Variants in SMARCB1 observed in about 807,000 individuals in gnomAD.
SMARCB1 encodes the protein SWI/SNF related BAF chromatin remodeling complex subunit B1.
Under a neutral mutation model 49.0 loss-of-function variants are expected in SMARCB1, and 5 were observed. The observed-to-expected ratio is 0.10, with a 90% CI of 0.05 to 0.21. The LOEUF (loss-of-function observed/expected upper bound fraction) is 0.21. Ranked by LOEUF, SMARCB1 falls within the 10% of genes least tolerant of loss-of-function variation. The pLI, the probability that SMARCB1 is intolerant of heterozygous loss-of-function variation, is 1.00. For synonymous variants in SMARCB1, 201 were observed against 200.1 expected (o/e 1.00, Z -0.04); for missense variants, 226 against 509.2 (o/e 0.44, Z 5.35).
chr22:23,798,788 C>T (rs528412610), intron 3 of SMARCB1, among the ~76,000 whole-genome samples: 3 of 152,152 alleles, frequency 2.0e-5, no homozygotes, highest in East Asian at 1.9e-4. Flanking sequence ...CGGTGACTGA[C>T]GCTTGTAATC....
At position 23,826,412 on chromosome 22, in the gene SMARCB1, G is replaced by A. The variant is rs181240456; in HGVS notation, c.986+997G>A. 2.7e-3 allele frequency among the ~76,000 whole-genome samples: 399 copies of A among 147,808 alleles called. 3 individuals carry two copies. Among genetic ancestry groups the A allele is most frequent in the African/African-American group, 9.2e-3 (366 of 39,724 alleles). ...TGCACTCCAGCCTGGGTGACAGAGC[G>A]AGACCCTGTCTCCAAAAAAAAAAAA... On this transcript the variant is annotated intron_variant, in intron 7 of 8. Coordinates refer to ENST00000644036, the MANE Select transcript of SMARCB1 (RefSeq NM_003073.5).
intron 1 of SMARCB1, among the ~76,000 whole-genome samples, chr22:23,789,477 A>G (rs976925132): frequency 2.6e-5 from 4 of 152,248 alleles, no homozygotes; most frequent in African/African-American, 9.6e-5. Context: ...TGCGTGGCCA[A>G]GTGGGAAGAA....
chr22:23,834,900 C>T lies in SMARCB1; in HGVS notation c.*720C>T, dbSNP rs1267868330. On this transcript the variant is annotated 3_prime_UTR_variant, in exon 9 of 9. Transcript: ENST00000644036. ...CTGCTGTGTCCAGATGGTCAGGCTACTGCCAGCTGGGGCCTTGCTGCTCTG... is the reference window on the plus strand; with the variant it reads ...CTGCTGTGTCCAGATGGTCAGGCTATTGCCAGCTGGGGCCTTGCTGCTCTG... The T allele has an allele frequency of 1.9e-6, 3 of 1,611,894 alleles. No individual in the cohort carries two copies. The highest frequency in any genetic ancestry group is 2.5e-6 in the Non-Finnish European group (3 of 1,179,664).
At chr22:23,825,468 G>A (rs891918145) in intron 7 of SMARCB1, 53 bp downstream of exon 7, 25 of 1,502,440 alleles carry the variant, frequency 1.7e-5, no homozygotes, top group Admixed American at 3.4e-5. Flanking sequence ...AAACTGTTTT[G>A]AGAAAGACTT....
chr22:23,796,093 G>T (rs562380636), intron 3 of SMARCB1, among the ~76,000 whole-genome samples: 1 of 151,960 alleles, frequency 6.6e-6, no homozygotes, highest in African/African-American at 2.4e-5. Flanking sequence ...GTGCCCAGCC[G>T]GGAGTGCCCT....
intron 5 of SMARCB1, among the ~76,000 whole-genome samples, chr22:23,814,491 C>A (rs1418431259): frequency 6.6e-6 from 1 of 151,724 alleles, no homozygotes; most frequent in South Asian, 2.1e-4. Flanking sequence ...GATGGAGAAA[C>A]CTCGTCTCTA....
chr22:23,794,420 T>C (rs1050663351), intron 3 of SMARCB1, among the ~76,000 whole-genome samples: 2 of 152,198 alleles, frequency 1.3e-5, no homozygotes, highest in African/African-American at 4.8e-5. Flanking sequence ...CAGTGGCTTA[T>C]GTTTGTAATC....
chr22:23,828,055 CTTTTTG>C (rs1057424919), intron 7 of SMARCB1, among the ~76,000 whole-genome samples: 11 of 152,104 alleles, frequency 7.2e-5, no homozygotes, highest in Non-Finnish European at 1.3e-4. Flanking sequence ...TGTCACATGA[CTTTTTG>C]TTTTGTTTTG....
chr22:23,800,859 G>T, intron 3 of SMARCB1, 85 bp from the exon 4 acceptor site: 1 of 1,039,210 alleles, frequency 9.6e-7, no homozygotes, highest in South Asian at 1.3e-5. Flanking sequence ...AGGTACAGTG[G>T]GCATCCCTGG....
intron 6 of SMARCB1, 89 bp downstream of exon 6, chr22:23,817,025 C>T: frequency 2.9e-6 from 3 of 1,050,772 alleles, no homozygotes; most frequent in South Asian, 1.3e-5. Context: ...AAGGCCTCAG[C>T]AGAAGCCCGT....
intron 3 of SMARCB1, among the ~76,000 whole-genome samples, chr22:23,796,408 T>C (rs907242021): frequency 1.3e-5 from 2 of 152,178 alleles, no homozygotes; most frequent in East Asian, 1.9e-4. Flanking sequence ...GGGTGAGACG[T>C]GCAGAATACA....
rs376184492 is a variant in SMARCB1 at position 23,834,408 on chromosome 22, C to T, written c.*228C>T. ...CCTACCCCTCCCCAGTCTCTGGGGT[C>T]AGGAAGAAACCTTATTTTAGGTTGT... On this transcript the variant is annotated 3_prime_UTR_variant, in exon 9 of 9. Coordinates refer to ENST00000644036, the MANE Select transcript of SMARCB1 (RefSeq NM_003073.5). 4.8e-5 allele frequency: 28 copies of T among 585,574 alleles called. No individual in the cohort carries two copies. Among genetic ancestry groups the T allele is most frequent in the African/African-American group, 4.5e-4 (22 of 48,764 alleles). The allele number at this position is 585,574 out of a possible 1,614,324, so 36.3% of individuals were successfully genotyped here. A position where few individuals can be genotyped will look rare whatever the true frequency, so the allele number is the denominator to read the frequency against.
In SMARCB1 at chr22:23,835,125, CTGG is replaced by C; in HGVS notation, c.*948_*950del. ...GGAATATGGGAATAGCCCTCCCGGC[CTGG>C]TGCCAGCTCTTGGAGTTGACACGGT... On this transcript the variant is annotated 3_prime_UTR_variant, in exon 9 of 9. Transcript: ENST00000644036. 7.3e-7 allele frequency: 1 copy of C among 1,370,476 alleles called. No homozygotes were observed. Among genetic ancestry groups the C allele is most frequent in the South Asian group, 1.8e-5 (1 of 55,178 alleles). The allele number at this position is 1,370,476 out of a possible 1,614,324, so 84.9% of individuals were successfully genotyped here. A position where few individuals can be genotyped will look rare whatever the true frequency, so the allele number is the denominator to read the frequency against.
chr22:23,826,425 C>CAAA lies in SMARCB1; in HGVS notation c.986+1025_986+1027dup, dbSNP rs5844570. Among the ~76,000 whole-genome samples, 137 of 110,620 alleles carry CAAA rather than the reference C, an allele frequency of 1.2e-3. No individual in the cohort carries two copies. In the Middle Eastern group the frequency reaches 0.015, roughly 12 times the overall value. 72.6% of individuals were successfully genotyped at this position (110,620 alleles called of 152,430 possible). On this transcript the variant is annotated intron_variant, in intron 7 of 8. Coordinates refer to ENST00000644036, the MANE Select transcript of SMARCB1 (RefSeq NM_003073.5). ...GGGTGACAGAGCGAGACCCTGTCTC[C>CAAA]AAAAAAAAAAAAAAAAATAGCGAGG... is the stretch of plus-strand genomic sequence containing the variant.
chr22:23,832,406 C>T (rs1027637671), intron 7 of SMARCB1, among the ~76,000 whole-genome samples: 7 of 152,200 alleles, frequency 4.6e-5, no homozygotes, highest in East Asian at 1.9e-4. Context: ...CCCCCGAGTC[C>T]GGCCTGCCCT....
intron 3 of SMARCB1, among the ~76,000 whole-genome samples, chr22:23,796,731 CTT>C (rs1377831112): frequency 1.3e-5 from 2 of 152,102 alleles, no homozygotes; most frequent in Non-Finnish European, 2.9e-5. Flanking sequence ...AGCTGGGAAT[CTT>C]TTATGGGGCG....
At chr22:23,821,109 G>C (rs576802000) in intron 6 of SMARCB1, among the ~76,000 whole-genome samples, 1 of 152,350 alleles carries the variant, frequency 6.6e-6, no homozygotes, top group African/African-American at 2.4e-5. Context: ...CCCACCAGAA[G>C]AGGCTTCCCC....
intron 3 of SMARCB1, among the ~76,000 whole-genome samples, chr22:23,800,142 T>C (rs912893074): frequency 3.3e-5 from 5 of 152,284 alleles, no homozygotes; most frequent in Admixed American, 3.3e-4. Context: ...TTTCGAACTC[T>C]TGACCTCAGG....
rs1475718398 is a variant in SMARCB1, at chr22:23,835,570, T to C, written c.*1390T>C. On this transcript the variant is annotated 3_prime_UTR_variant, in exon 9 of 9. Coordinates refer to ENST00000644036, the MANE Select transcript of SMARCB1 (RefSeq NM_003073.5). The stretch of plus-strand genomic sequence containing the variant: ...TCCCAGGGAGTTTGCACTCAGGGCC[T>C]CTGCCCTCCATCAAAGAGTGGAACT... 11 of 985,408 alleles carry C rather than the reference T, an allele frequency of 1.1e-5. No homozygotes were observed. Among genetic ancestry groups the C allele is most frequent in the Non-Finnish European group, 1.3e-5 (11 of 829,966 alleles). The allele number at this position is 985,408 out of a possible 1,614,324, so 61.0% of individuals were successfully genotyped here. A position where few individuals can be genotyped will look rare whatever the true frequency, so the allele number is the denominator to read the frequency against.
Sources: allele counts gnomAD v4.1 joint callset (sites outside exome capture counted in the v4.1 genomes callset), GRCh38; gene constraint gnomAD v4.1.1; transcripts MANE v1.5; gene names NCBI Gene and HGNC (gene_info 2026-07-23, HGNC 2026-07-21).